Variants in C10orf90 observed in about 807,000 individuals in gnomAD.
The protein encoded by C10orf90 is (E2-independent) E3 ubiquitin-conjugating enzyme FATS.
A neutral mutation model predicts 62.5 loss-of-function variants in C10orf90; 56 were observed. The observed-to-expected ratio is 0.90, with a 90% CI of 0.72 to 1.12. The LOEUF is 1.12. Among genes scored for constraint, C10orf90 ranks in the 50% most tolerant of loss-of-function variants. C10orf90 has a pLI of 0.00. For synonymous variants in C10orf90, 386 were observed against 340.4 expected (o/e 1.13, Z -1.47); for missense variants, 970 against 880.4 (o/e 1.10, Z -1.29).
intron 4 of C10orf90, among the ~76,000 whole-genome samples, chr10:126,491,817 T>C (rs1035665555): frequency 3.3e-5 from 5 of 152,364 alleles, no homozygotes; most frequent in South Asian, 2.1e-4. Flanking sequence ...ATCTCATCCA[T>C]GGTCTGTGGA....
chr10:126,580,784 C>T (rs1415507364), intron 2 of C10orf90, among the ~76,000 whole-genome samples: 2 of 151,706 alleles, frequency 1.3e-5, no homozygotes, highest in Non-Finnish European at 2.9e-5. Context: ...TAGTGTGTGT[C>T]TATGTGTGGT....
intron 2 of C10orf90, among the ~76,000 whole-genome samples, chr10:126,618,621 A>G (rs1845587270): frequency 6.6e-6 from 1 of 152,216 alleles, no homozygotes; most frequent in Non-Finnish European, 1.5e-5. Context: ...CTGTAAGTCA[A>G]ATGACCTCAG....
intron 7 of C10orf90, among the ~76,000 whole-genome samples, chr10:126,458,710 A>C (rs1159748392): frequency 6.6e-6 from 1 of 152,188 alleles, no homozygotes; most frequent in Non-Finnish European, 1.5e-5. Flanking sequence ...ATAAAGGGCA[A>C]AGGGGATCTC....
chr10:126,548,660 C>T (rs980713129), intron 2 of C10orf90, among the ~76,000 whole-genome samples: 9 of 152,062 alleles, frequency 5.9e-5, no homozygotes, highest in Admixed American at 2.6e-4. Flanking sequence ...CCACTGCGCC[C>T]GGCCGCAAGA....
intron 2 of C10orf90, among the ~76,000 whole-genome samples, chr10:126,596,138 TAAAA>T (rs34919079): frequency 7.9e-6 from 1 of 126,644 alleles, no homozygotes. Flanking sequence ...ATCTCTTATT[TAAAA>T]AAAAAAAAAA....
At chr10:126,660,656 C>T (rs1564913766) in intron 1 of C10orf90, among the ~76,000 whole-genome samples, 1 of 152,242 alleles carries the variant, frequency 6.6e-6, no homozygotes, top group Non-Finnish European at 1.5e-5. Flanking sequence ...GCCATCTAAC[C>T]TACACCAGGA....
rs1845428402 is a variant in C10orf90, at chr10:126,611,299, A to G, written c.313+35266T>C. ...CTTCCCTTAGCATAATGTACTCAAG[A>G]TTCATCCATGTAGTAATATGTGCCA... On this transcript the variant is annotated intron_variant, in intron 2 of 9. Coordinates refer to ENST00000488181, the MANE Select transcript of C10orf90 (RefSeq NM_001350921.2). Among the ~76,000 whole-genome samples, 4 of 152,200 alleles carry G rather than the reference A, an allele frequency of 2.6e-5. No homozygotes were observed. In the South Asian group the frequency reaches 8.3e-4, roughly 31 times the overall value.
In C10orf90 at chr10:126,513,880, C is replaced by T; in HGVS notation, c.373G>A (p.Asp125Asn). Residue 125 changes from aspartate (D) to asparagine (N), a missense_variant, in exon 3 of 10, where the codon GAT becomes AAT. Coordinates refer to ENST00000488181, the MANE Select transcript of C10orf90 (RefSeq NM_001350921.2). The stretch of plus-strand genomic sequence containing the variant: ...AAGTCAGATTTTGCCTCTGTGACAT[C>T]AGACTGGAGATTTTTAAGGGCAATT... The part of the protein sequence containing the change: ...DQIALKNLQS[D>N]VTEAKSDFTK... 6.2e-7 allele frequency: 1 copy of T among 1,613,176 alleles called. No homozygotes were observed. The highest frequency in any genetic ancestry group is 8.5e-7 in the Non-Finnish European group (1 of 1,179,374).
chr10:126,479,203 G>A (rs1404744085), intron 4 of C10orf90, among the ~76,000 whole-genome samples: 1 of 152,210 alleles, frequency 6.6e-6, no homozygotes, highest in Non-Finnish European at 1.5e-5. Context: ...TGAGGGAAGG[G>A]GCTGTGCGTT....
intron 2 of C10orf90, among the ~76,000 whole-genome samples, chr10:126,551,920 C>T (rs1190886139): frequency 1.3e-5 from 2 of 152,200 alleles, no homozygotes; most frequent in Non-Finnish European, 2.9e-5. Flanking sequence ...AGATAGGACC[C>T]ACTGCCTTTC....
chr10:126,625,810 T>C (rs1161275854), intron 2 of C10orf90, among the ~76,000 whole-genome samples: 1 of 152,266 alleles, frequency 6.6e-6, no homozygotes, highest in East Asian at 1.9e-4. Context: ...AATGTAGAAT[T>C]CCTTCACAAA....
intron 4 of C10orf90, among the ~76,000 whole-genome samples, chr10:126,481,744 C>A (rs1289734690): frequency 6.6e-6 from 1 of 152,172 alleles, no homozygotes; most frequent in Non-Finnish European, 1.5e-5. Flanking sequence ...TCATCCTCCT[C>A]CAGGGCAGGT....
At chr10:126,663,709 T>A (rs1169258462) in intron 1 of C10orf90, among the ~76,000 whole-genome samples, 1 of 152,126 alleles carries the variant, frequency 6.6e-6, no homozygotes, top group Non-Finnish European at 1.5e-5. Flanking sequence ...GTGACTTCCT[T>A]TGGGGTTCAT....
At chr10:126,661,671 T>C (rs1345492066) in intron 1 of C10orf90, among the ~76,000 whole-genome samples, 1 of 95,652 alleles carries the variant, frequency 1.0e-5, no homozygotes, top group African/African-American at 4.1e-5. Context: ...TCTCTCTCTC[T>C]TTTTTTTTTT....
At chr10:126,497,827 T>C (rs1367895375) in intron 4 of C10orf90, among the ~76,000 whole-genome samples, 4 of 152,200 alleles carry the variant, frequency 2.6e-5, no homozygotes, top group African/African-American at 9.6e-5. Flanking sequence ...CTATTTTCAA[T>C]ACAACTATTT....
At chr10:126,535,894 G>A (rs1864222431) in intron 2 of C10orf90, among the ~76,000 whole-genome samples, 1 of 152,178 alleles carries the variant, frequency 6.6e-6, no homozygotes, top group African/African-American at 2.4e-5. Context: ...CCTGCTCAGG[G>A]TTTCTCTTCT....
intron 2 of C10orf90, among the ~76,000 whole-genome samples, chr10:126,537,939 TACAG>T (rs1864277155): frequency 6.6e-6 from 1 of 151,998 alleles, no homozygotes; most frequent in Non-Finnish European, 1.5e-5. Flanking sequence ...GTGACTATTG[TACAG>T]AAAAGGGAAC....
At chr10:126,564,849 A>C (rs868380418) in intron 2 of C10orf90, among the ~76,000 whole-genome samples, 1,467 of 36,424 alleles carry the variant, frequency 0.04, 499 homozygotes, top group African/African-American at 0.14. Context: ...TATATTATAT[A>C]TTATATAAAA....
chr10:126,642,028 T>C (rs1476345275), intron 2 of C10orf90, among the ~76,000 whole-genome samples: 1 of 152,174 alleles, frequency 6.6e-6, no homozygotes, highest in African/African-American at 2.4e-5. Flanking sequence ...TTGGGCTCTA[T>C]GCACCCTGTT....
Sources: allele counts gnomAD v4.1 joint callset (sites outside exome capture counted in the v4.1 genomes callset), GRCh38; gene constraint gnomAD v4.1.1; transcripts MANE v1.5; gene names NCBI Gene and HGNC (gene_info 2026-07-23, HGNC 2026-07-21).